Variants in PTPRM observed in about 807,000 individuals in gnomAD.
PTPRM encodes protein tyrosine phosphatase receptor type M, also known as receptor-type tyrosine-protein phosphatase mu.
A neutral mutation model predicts 186.7 loss-of-function variants in PTPRM; 47 were observed. The observed-to-expected ratio is 0.25, with a 90% CI of 0.20 to 0.32. PTPRM has a LOEUF of 0.32. PTPRM is among the 10% of genes least tolerant of loss of function. The pLI, the probability that PTPRM is intolerant of heterozygous loss-of-function variation, is 1.00. For synonymous variants in PTPRM, 668 were observed against 674.9 expected (o/e 0.99, Z 0.16); for missense variants, 1,494 against 1,865.0 (o/e 0.80, Z 3.66).
chr18:8,304,858 A>G (rs2095203861), intron 20 of PTPRM, among the ~76,000 whole-genome samples: 1 of 150,132 alleles, frequency 6.7e-6, no homozygotes, highest in Admixed American at 6.6e-5. Flanking sequence ...TTTCAATGAG[A>G]ATAGATGTGT....
At chr18:8,052,141 G>T (rs1406286002) in intron 7 of PTPRM, among the ~76,000 whole-genome samples, 2 of 152,074 alleles carry the variant, frequency 1.3e-5, no homozygotes, top group Non-Finnish European at 2.9e-5. Flanking sequence ...CTGCTGTGCT[G>T]GTGTGAGAAC....
At chr18:8,006,852 A>G (rs1399535775) in intron 7 of PTPRM, among the ~76,000 whole-genome samples, 1 of 152,236 alleles carries the variant, frequency 6.6e-6, no homozygotes, top group African/African-American at 2.4e-5. Context: ...ATTTTCTCCA[A>G]CAAGTCATTT....
At chr18:8,270,288 A>G (rs1420752263) in intron 19 of PTPRM, 8 of 152,144 alleles carry the variant, frequency 5.3e-5, no homozygotes, top group African/African-American at 1.9e-4. Context: ...CATTTTTCCA[A>G]GGAAGATATA....
At chr18:8,170,769 C>T (rs1210970362) in intron 14 of PTPRM, among the ~76,000 whole-genome samples, 1 of 152,106 alleles carries the variant, frequency 6.6e-6, no homozygotes, top group South Asian at 2.1e-4. Context: ...AGTAGAAGGC[C>T]ATGAGATCAT....
At chr18:7,843,814 T>C (rs1599016738) in intron 2 of PTPRM, among the ~76,000 whole-genome samples, 1 of 152,224 alleles carries the variant, frequency 6.6e-6, no homozygotes, top group African/African-American at 2.4e-5. Context: ...GGATTATCTC[T>C]GTTCCATCAT....
At chr18:8,023,527 A>G (rs1043334710) in intron 7 of PTPRM, among the ~76,000 whole-genome samples, 5 of 152,166 alleles carry the variant, frequency 3.3e-5, no homozygotes, top group African/African-American at 1.2e-4. Flanking sequence ...AAAGTGTTTT[A>G]TCTCAAGAAC....
intron 11 of PTPRM, among the ~76,000 whole-genome samples, chr18:8,098,468 T>C (rs1398703317): frequency 6.6e-6 from 1 of 152,184 alleles, no homozygotes; most frequent in Non-Finnish European, 1.5e-5. Flanking sequence ...CCCTAGACCT[T>C]CATTTAACTA....
chr18:8,017,562 A>C (rs2084951092), intron 7 of PTPRM, among the ~76,000 whole-genome samples: 1 of 141,772 alleles, frequency 7.1e-6, no homozygotes, highest in Non-Finnish European at 1.5e-5. Flanking sequence ...CAACCTGGGC[A>C]ACAGAGTAAG....
chr18:8,057,425 C>CTTTTTTTTTTTTTTTTTTTTTTTTTTT (rs763829289), intron 7 of PTPRM, among the ~76,000 whole-genome samples: 4 of 102,560 alleles, frequency 3.9e-5, no homozygotes, highest in African/African-American at 8.6e-5. Context: ...TGTGATACTT[C>CTTTTTTTTTTTTTTTTTTTTTTTTTTT]TTTTTTTTTT....
intron 2 of PTPRM, among the ~76,000 whole-genome samples, chr18:7,823,061 A>G (rs1268098460): frequency 2.6e-5 from 4 of 152,104 alleles, no homozygotes; most frequent in African/African-American, 9.7e-5. Flanking sequence ...GGGAGACAAG[A>G]GTCTCCCCTG....
intron 1 of PTPRM, among the ~76,000 whole-genome samples, chr18:7,658,975 G>C (rs948198): frequency 0.094 from 14,346 of 152,068 alleles, 972 homozygotes; most frequent in East Asian, 0.18. Flanking sequence ...CCCTTTCTGT[G>C]CATCTGCCTG....
At chr18:8,038,875 T>C (rs1477153299) in intron 7 of PTPRM, among the ~76,000 whole-genome samples, 1 of 152,184 alleles carries the variant, frequency 6.6e-6, no homozygotes, top group Non-Finnish European at 1.5e-5. Context: ...ATAGCCAGAA[T>C]TGGGATAGTT....
intron 2 of PTPRM, among the ~76,000 whole-genome samples, chr18:7,859,609 A>T (rs955277958): frequency 2.0e-5 from 3 of 152,216 alleles, no homozygotes; most frequent in Non-Finnish European, 4.4e-5. Flanking sequence ...TGGCCTGCAT[A>T]GCAGATGTCA....
chr18:7,997,430 T>A (rs1175554676), intron 7 of PTPRM, among the ~76,000 whole-genome samples: 1 of 152,110 alleles, frequency 6.6e-6, no homozygotes, highest in Non-Finnish European at 1.5e-5. Flanking sequence ...TGAAACTGCT[T>A]AAAGAAAATG....
chr18:8,278,109 A>C (rs915177026), intron 19 of PTPRM, among the ~76,000 whole-genome samples: 7 of 152,298 alleles, frequency 4.6e-5, no homozygotes, highest in Admixed American at 3.9e-4. Context: ...CTCCATACCT[A>C]CTCATATGTC....
chr18:8,142,592 G>GA (rs1164160063), intron 13 of PTPRM, among the ~76,000 whole-genome samples: 2 of 152,158 alleles, frequency 1.3e-5, no homozygotes, highest in Admixed American at 1.3e-4. Context: ...CGTAGGAGTG[G>GA]AAAACCTCAT....
intron 19 of PTPRM, among the ~76,000 whole-genome samples, chr18:8,280,569 A>G (rs1186840575): frequency 6.6e-6 from 1 of 152,176 alleles, no homozygotes; most frequent in Non-Finnish European, 1.5e-5. Flanking sequence ...GAGCTGCCCA[A>G]AATGGTTGCT....
chr18:7,889,554 G>T (rs1042613874), intron 3 of PTPRM, among the ~76,000 whole-genome samples: 2 of 151,918 alleles, frequency 1.3e-5, no homozygotes, highest in African/African-American at 4.8e-5. Flanking sequence ...GCCCAGGCTG[G>T]TCTCAAACTT....
At chr18:8,400,603 GC>G (rs2095867304) in intron 32 of PTPRM, among the ~76,000 whole-genome samples, 3 of 152,008 alleles carry the variant, frequency 2.0e-5, no homozygotes, top group Non-Finnish European at 4.4e-5. Context: ...ACAGCTCGCC[GC>G]CCCCTCCCCC....
Sources: allele counts gnomAD v4.1 joint callset (sites outside exome capture counted in the v4.1 genomes callset), GRCh38; gene constraint gnomAD v4.1.1; transcripts MANE v1.5; gene names NCBI Gene and HGNC (gene_info 2026-07-23, HGNC 2026-07-21).